COL6A5: variants seen among roughly 807,000 people sequenced by gnomAD.
COL6A5 encodes the protein collagen type VI alpha 5 chain, also known as collagen alpha-5(VI) chain.
In COL6A5, 48 loss-of-function variants were observed where a neutral mutation model predicts 65.6. That is an observed-to-expected ratio of 0.73 (90% CI 0.58 to 0.93). The LOEUF is 0.93. Among genes scored for constraint, COL6A5 ranks in the 40% least tolerant of loss-of-function variants. COL6A5 has a pLI of 0.00. For missense variants in COL6A5, 914 were observed against 928.3 expected (o/e 0.98, Z 0.20); for synonymous variants, 291 against 322.8 (o/e 0.90, Z 1.05).
At chr3:130,427,461 C>T (rs553841874), upstream of COL6A5, among the ~76,000 whole-genome samples, 1 of 152,060 alleles carries the variant, frequency 6.6e-6, no homozygotes, top group Non-Finnish European at 1.5e-5. Flanking sequence ...GTCAGGCTAG[C>T]AGGGGAGAGG....
intron 3 of COL6A5, among the ~76,000 whole-genome samples, chr3:130,441,647 A>G (rs1030812971): frequency 3.3e-5 from 5 of 152,160 alleles, no homozygotes; most frequent in African/African-American, 7.2e-5. Context: ...ATTGTTCTCA[A>G]TATGGCACAA....
chr3:130,383,601 A>G lies in COL6A5; in HGVS notation c.1301-1203A>G, dbSNP rs544252207. ...ATTTTATAGTTCATTTCTCAGGGTC[A>G]GACTTCTTTTCAGTATATCTGATTT... On this transcript the variant is annotated intron_variant and NMD_transcript_variant, in intron 4 of 41. Coordinates refer to the COL6A5 transcript ENST00000312481. Among the ~76,000 whole-genome samples, 585 of 152,170 alleles carry G rather than the reference A, an allele frequency of 3.8e-3. 5 individuals carry two copies. The highest frequency in any genetic ancestry group is 0.013 in the African/African-American group (550 of 41,550).
intron 7 of COL6A5, among the ~76,000 whole-genome samples, chr3:130,476,405 G>A (rs572787900): frequency 5.7e-4 from 87 of 152,216 alleles, no homozygotes; most frequent in Middle Eastern, 3.4e-3. Flanking sequence ...ACACATTTCA[G>A]TTTATAGCAG....
chr3:130,376,293 G>A (rs772271928), exon 3 of COL6A5: 1 of 1,613,204 alleles, frequency 6.2e-7, no homozygotes, highest in Admixed American at 1.7e-5. Flanking sequence ...CGATCACCTG[G>A]GACCTAAGTC....
intron 19 of COL6A5, 62 bp downstream of exon 19, chr3:130,410,136 T>C (rs1451065082): frequency 8.3e-7 from 1 of 1,211,962 alleles, no homozygotes; most frequent in African/African-American, 1.5e-5. Flanking sequence ...GTAAATTTAG[T>C]AAGATATGTA....
chr3:130,360,948 C>T (rs1358818431), intron 1 of COL6A5, among the ~76,000 whole-genome samples: 1 of 152,046 alleles, frequency 6.6e-6, no homozygotes, highest in Non-Finnish European at 1.5e-5. Context: ...AACTGATGTT[C>T]TATTTAAGTT....
intron 4 of COL6A5, 63 bp from the exon 37 acceptor site, chr3:130,455,392 A>T (rs1200464266): frequency 2.2e-6 from 2 of 913,828 alleles, no homozygotes; most frequent in Admixed American, 2.4e-5. Flanking sequence ...AATGTTAAGG[A>T]TGTTTTATTT....
At chr3:130,453,137 C>T (rs377568671) in intron 4 of COL6A5, among the ~76,000 whole-genome samples, 70 of 152,116 alleles carry the variant, frequency 4.6e-4, no homozygotes, top group African/African-American at 1.3e-3. Flanking sequence ...AGGTGACATA[C>T]ATCCTCCTCA....
intron 1 of COL6A5, among the ~76,000 whole-genome samples, chr3:130,351,605 A>G (rs973398834): frequency 6.6e-6 from 1 of 152,242 alleles, no homozygotes; most frequent in Non-Finnish European, 1.5e-5. Flanking sequence ...AACCACAATG[A>G]GATACCATCT....
intron 5 of COL6A5, among the ~76,000 whole-genome samples, chr3:130,467,022 G>A (rs1408853728): frequency 6.6e-6 from 1 of 151,810 alleles, no homozygotes; most frequent in Admixed American, 6.6e-5. Flanking sequence ...AAAATTTAAG[G>A]AAGAAATAAT....
At chr3:130,393,269 A>G (rs113641557) in intron 7 of COL6A5, among the ~76,000 whole-genome samples, 2 of 151,962 alleles carry the variant, frequency 1.3e-5, no homozygotes, top group Non-Finnish European at 2.9e-5. Flanking sequence ...CCTGCCCACC[A>G]TGAACACTCC....
intron 17 of COL6A5, among the ~76,000 whole-genome samples, chr3:130,407,512 G>T (rs2107670737): frequency 6.6e-6 from 1 of 152,372 alleles, no homozygotes; most frequent in South Asian, 2.1e-4. Flanking sequence ...GGTGAGAAGT[G>T]ATGAAGCCTT....
intron 28 of COL6A5, among the ~76,000 whole-genome samples, chr3:130,423,419 G>A (rs1013369196): frequency 6.6e-5 from 10 of 152,114 alleles, no homozygotes; most frequent in African/African-American, 2.2e-4. Flanking sequence ...ATTAGTATCC[G>A]TATCCATCAC....
chr3:130,391,421 A>T (rs1313380275), exon 7 of COL6A5: 1 of 1,551,716 alleles, frequency 6.4e-7, no homozygotes, highest in Non-Finnish European at 8.7e-7. Flanking sequence ...GCGCAGGGAC[A>T]CTGGAGGGAA....
rs1439666702 is a variant in COL6A5 at position 130,362,337 on chromosome 3, T to G, written c.-28-11274T>G. 5.0e-4 allele frequency among the ~76,000 whole-genome samples: 65 copies of G among 130,142 alleles called. 1 individual carries two copies. Among genetic ancestry groups the G allele is most frequent in the Non-Finnish European group, 9.7e-4 (60 of 61,736 alleles). 85.4% of individuals were successfully genotyped at this position (130,142 alleles called of 152,430 possible). The stretch of plus-strand genomic sequence containing the variant: ...ATATATATATATATATTTTTTTTTT[T>G]TTTTTTTTTTGCATGTGGATGTCTG... On this transcript the variant is annotated intron_variant and NMD_transcript_variant, in intron 1 of 41. Coordinates refer to the COL6A5 transcript ENST00000312481.
At chr3:130,385,062 A>C in exon 5 of COL6A5, 2 of 1,551,030 alleles carry the variant, frequency 1.3e-6, no homozygotes, top group Non-Finnish European at 1.7e-6. Context: ...GGTGGAACTT[A>C]TACTGGGAAA....
intron 4 of COL6A5, among the ~76,000 whole-genome samples, chr3:130,451,523 G>C (rs560613652): frequency 6.6e-6 from 1 of 152,074 alleles, no homozygotes; most frequent in Admixed American, 6.6e-5. Context: ...GTGGATGGGG[G>C]AGGGCCTGCA....
intron 1 of COL6A5, among the ~76,000 whole-genome samples, chr3:130,366,157 A>C (rs979041412): frequency 6.6e-6 from 1 of 152,188 alleles, no homozygotes; most frequent in African/African-American, 2.4e-5. Flanking sequence ...GGCCTTATGA[A>C]GTTGTGGCAA....
At chr3:130,409,775 A>G (rs1429740685) in intron 18 of COL6A5, among the ~76,000 whole-genome samples, 1 of 152,200 alleles carries the variant, frequency 6.6e-6, no homozygotes, top group Non-Finnish European at 1.5e-5. Context: ...AGAAAAGGGA[A>G]AATCACCATG....
Sources: gnomAD v4.1 joint callset for allele counts (sites outside exome capture counted in the v4.1 genomes callset) on GRCh38, gnomAD v4.1.1 for gene constraint, MANE v1.5 for transcripts, NCBI Gene and HGNC (gene_info 2026-07-23, HGNC 2026-07-21) for gene names.